The following ICAM2 variants were observed in gnomAD, a reference collection of about 807,000 sequenced individuals.
The protein encoded by ICAM2 is intercellular adhesion molecule 2.
A neutral mutation model predicts 19.1 loss-of-function variants in ICAM2; 14 were observed. The observed-to-expected ratio is 0.73, with a 90% CI of 0.48 to 1.15. The LOEUF is 1.15. ICAM2 is among the 50% of genes most tolerant of loss of function. ICAM2 has a pLI of 0.00. For synonymous variants in ICAM2, 153 were observed against 152.7 expected, an observed-to-expected ratio of 1.00 and a Z score of -0.01; for missense variants, 311 against 355.4, an observed-to-expected ratio of 0.88 and a Z score of 1.00.
chr17:64,015,562 A>G (rs1337393619), intron 1 of ICAM2, among the ~76,000 whole-genome samples: 1 of 152,130 alleles, frequency 6.6e-6, no homozygotes, highest in Admixed American at 6.5e-5. Context: ...CAACATGACA[A>G]AACCCCATCT....
chr17:64,015,152 G>T (rs1159656359), intron 1 of ICAM2, among the ~76,000 whole-genome samples: 1 of 152,166 alleles, frequency 6.6e-6, no homozygotes, highest in African/African-American at 2.4e-5. Context: ...AATGGATTTA[G>T]TTCTGGTTTT....
rs1320735746 is a variant in ICAM2, at chr17:64,014,674, AAAGAAAGGAAGG to A, written c.-45+5837_-45+5848del. 3.7e-4 allele frequency among the ~76,000 whole-genome samples: 37 copies of A among 98,686 alleles called. 1 individual carries two copies. The highest frequency in any genetic ancestry group is 1.3e-3 in the South Asian group (3 of 2,326). 64.7% of individuals were successfully genotyped at this position (98,686 alleles called of 152,430 possible). A position where few individuals can be genotyped will look rare whatever the true frequency, so the allele number is the denominator to read the frequency against. On this transcript the variant is annotated intron_variant, in intron 1 of 4. Coordinates refer to ENST00000579788, the MANE Select transcript of ICAM2 (RefSeq NM_001099789.2). ...GAAAGAAAGGAAGAAAGAGAGAAAG[AAAGAAAGGAAGG>A]AAGGAAGGAAGGAAGGAAGGAAGGA...
At chr17:64,018,926 TG>T (rs1288537322) in intron 1 of ICAM2, among the ~76,000 whole-genome samples, 1 of 151,810 alleles carries the variant, frequency 6.6e-6, no homozygotes, top group African/African-American at 2.4e-5. Context: ...TTCATCTTGT[TG>T]GCCAGGACCG....
chr17:64,007,211 G>A (rs918904175), intron 1 of ICAM2, among the ~76,000 whole-genome samples: 10 of 152,132 alleles, frequency 6.6e-5, no homozygotes, highest in Admixed American at 2.0e-4. Context: ...TAAATGCCTG[G>A]TGCAATTCTG....
chr17:64,002,844 A>G lies in ICAM2; in HGVS notation c.731T>C (p.Leu244Pro). The change falls in exon 5 of 5, where the codon CTC (leucine) becomes CCC (proline). Residue 244 changes from leucine (L) to proline (P), a missense_variant. Physicochemically the swap from Leu to Pro is moderately conservative, Grantham distance 98. Transcript: ENST00000579788. ...LLSLFVTSVL[L>P]CFIFGQHLRQ... ...CAAGTGCTGGCCGAAGATGAAGCAG[A>G]GCAGGACAGATGTCACGAACAGGGA... The G allele has an allele frequency of 6.2e-7, 1 of 1,614,010 alleles. No individual in the cohort carries two copies. The highest frequency in any genetic ancestry group is 8.5e-7 in the Non-Finnish European group (1 of 1,179,994).
At chr17:64,004,136 C>CTGTGTGGT in intron 3 of ICAM2, 172 bp from the exon 4 acceptor site, 1 of 595,458 alleles carries the variant, frequency 1.7e-6, no homozygotes, top group African/African-American at 1.9e-5. Context: ...GGAGGCTGGA[C>CTGTGTGGT]TGTGTGGTAG....
chr17:64,008,610 G>C (rs114136983), intron 1 of ICAM2, among the ~76,000 whole-genome samples: 3,529 of 152,186 alleles, frequency 0.023, 172 homozygotes, highest in African/African-American at 0.079. Flanking sequence ...CACATACCTA[G>C]AAAAAATGAA....
chr17:64,004,135 A>C (rs1278993281), intron 3 of ICAM2, 171 bp from the exon 4 acceptor site: 1 of 595,640 alleles, frequency 1.7e-6, no homozygotes, highest in Non-Finnish European at 3.0e-6. Context: ...TGGAGGCTGG[A>C]CTGTGTGGTA....
intron 1 of ICAM2, chr17:64,006,968 A>C: frequency 2.0e-6 from 1 of 512,402 alleles, no homozygotes; most frequent in East Asian, 3.3e-5. Context: ...GGGGCGGGGC[A>C]GGCAATGGGT....
At chr17:64,016,749 C>A (rs1010065070) in intron 1 of ICAM2, among the ~76,000 whole-genome samples, 1 of 152,156 alleles carries the variant, frequency 6.6e-6, no homozygotes, top group Non-Finnish European at 1.5e-5. Flanking sequence ...GCTCCTTCAC[C>A]CCCTGCTTCC....
At position 64,008,029 on chromosome 17, in the gene ICAM2, G is replaced by C. The variant is rs542758509; in HGVS notation, c.-44-1294C>G. ...CCAAAGGGATGCCCCAGAATCCTCA[G>C]GACTTTGGCCAAGCTCCATTCCGGG... On this transcript the variant is annotated intron_variant, in intron 1 of 4. Coordinates refer to ENST00000579788, the MANE Select transcript of ICAM2 (RefSeq NM_001099789.2). Among the ~76,000 whole-genome samples the C allele has an allele frequency of 2.0e-5, 3 of 152,264 alleles. No homozygotes were observed. The East Asian group carries it at 5.8e-4, about 29-fold the overall frequency.
rs1289859908 is a variant in ICAM2, at chr17:64,005,206, G to A, written c.229C>T (p.His77Tyr). 3 of 1,614,166 alleles carry A rather than the reference G, an allele frequency of 1.9e-6. No individual in the cohort carries two copies. The highest frequency in any genetic ancestry group is 3.3e-5 in the Admixed American group (2 of 60,032). The change falls in exon 3 of 5, where the codon CAT (histidine) becomes TAT (tyrosine). Residue 77 changes from histidine (H) to tyrosine (Y), a missense_variant. Physicochemically the swap from His to Tyr is moderately conservative, Grantham distance 83. Transcript: ENST00000579788. Reference sequence around the variant, plus strand: ...TGGGAGATGTTTGAGACCAAGTAATGTTTCCACTGAGCCTGTTCGTCCAGC... The same window carrying A: ...TGGGAGATGTTTGAGACCAAGTAATATTTCCACTGAGCCTGTTCGTCCAGC... ...ILLDEQAQWKHYLVSNISHDT... is the reference protein window; with the variant it reads ...ILLDEQAQWKYYLVSNISHDT...
intron 1 of ICAM2, among the ~76,000 whole-genome samples, chr17:64,014,380 GAAGGAAGGAAGGAAGGAAGGAAGGAAGA>G (rs1911590203): frequency 6.4e-5 from 1 of 15,604 alleles, no homozygotes; most frequent in Non-Finnish European, 1.3e-4. Flanking sequence ...AGAAAGAAAG[GAAGGAAGGAAGGAAGGAAGGAAGGAAGA>G]GAAAGAGAAA....
intron 1 of ICAM2, among the ~76,000 whole-genome samples, chr17:64,011,071 C>G (rs868623416): frequency 6.6e-6 from 1 of 151,836 alleles, no homozygotes. Context: ...GTCTCTTGGA[C>G]TTTATTTAAT....
At chr17:64,017,431 T>G (rs1423165904) in intron 1 of ICAM2, among the ~76,000 whole-genome samples, 2 of 152,188 alleles carry the variant, frequency 1.3e-5, no homozygotes, top group African/African-American at 4.8e-5. Flanking sequence ...TATAATACTT[T>G]ATTGAAAAAT....
At chr17:64,005,413 C>G (rs577505759) in intron 2 of ICAM2, 40 bp from the exon 3 acceptor site, 133 of 1,594,088 alleles carry the variant, frequency 8.3e-5, no homozygotes, top group Admixed American at 1.0e-4. Flanking sequence ...GTCATCCCCC[C>G]ACCCCCTGCC....
intron 1 of ICAM2, among the ~76,000 whole-genome samples, chr17:64,013,554 G>A (rs1312194386): frequency 6.6e-6 from 1 of 151,988 alleles, no homozygotes; most frequent in Non-Finnish European, 1.5e-5. Context: ...GTTGTTTGTT[G>A]TTTACAAGAG....
At chr17:64,009,378 C>T (rs1440542172) in intron 1 of ICAM2, among the ~76,000 whole-genome samples, 1 of 151,912 alleles carries the variant, frequency 6.6e-6, no homozygotes, top group South Asian at 2.1e-4. Flanking sequence ...CAAGGCTGAC[C>T]TTATAATGTA....
chr17:64,015,111 G>T (rs114003991), intron 1 of ICAM2, among the ~76,000 whole-genome samples: 2,005 of 152,260 alleles, frequency 0.013, 42 homozygotes, highest in African/African-American at 0.046. Flanking sequence ...GTTGCCAGGG[G>T]CTGTGGGAGA....
Sources: allele counts gnomAD v4.1 joint callset (sites outside exome capture counted in the v4.1 genomes callset), GRCh38; gene constraint gnomAD v4.1.1; transcripts MANE v1.5; gene names NCBI Gene and HGNC (gene_info 2026-07-23, HGNC 2026-07-21).